Variants in NSD3 observed in about 807,000 individuals in gnomAD.
NSD3 encodes histone-lysine N-methyltransferase NSD3.
In NSD3, 24 loss-of-function variants were observed where a neutral mutation model predicts 160.8. The ratio of observed to expected loss-of-function variants is 0.15; its 90% CI spans 0.11 to 0.21. NSD3 has a LOEUF of 0.21. Ranked by LOEUF, NSD3 falls within the 10% of genes least tolerant of loss-of-function variation. The pLI is 1.00. For synonymous variants in NSD3, 520 were observed against 600.0 expected, an observed-to-expected ratio of 0.87 and a Z score of 1.95; for missense variants, 1,157 against 1,735.9, an observed-to-expected ratio of 0.67 and a Z score of 5.93.
At position 38,370,085 on chromosome 8, in the gene NSD3, C is replaced by T. The variant is rs548154808; in HGVS notation, c.-45+11714G>A. On this transcript the variant is annotated intron_variant, in intron 1 of 23. Transcript: ENST00000317025. ...CTGGGATTACAGGTGTGAGCCACCA[C>T]GCCCAGCCAGCCCACCCAGTTTTTA... Among the ~76,000 whole-genome samples, 6 of 152,274 alleles carry T rather than the reference C, an allele frequency of 3.9e-5. No individual in the cohort carries two copies. In the East Asian group the frequency reaches 9.6e-4, roughly 24 times the overall value.
At chr8:38,303,258 A>G (rs1247881433) in intron 14 of NSD3, 2 of 985,274 alleles carry the variant, frequency 2.0e-6, no homozygotes, top group African/African-American at 3.5e-5. Flanking sequence ...TTACTTTCTT[A>G]GGAATGCAGA....
Position 38,271,418 on chromosome 8 carries a change from CAGGAGAAAGGGGG to C in NSD3, c.*4210_*4222del, listed in dbSNP as rs1304684632. ...CATTATCCCCCCCCTTACCCTTTAC[CAGGAGAAAGGGGG>C]TTCCCTTTCTCCTGGTACCCCACCC... is the stretch of plus-strand genomic sequence containing the variant. On this transcript the variant is annotated 3_prime_UTR_variant, in exon 24 of 24. Transcript: ENST00000317025. 6.6e-6 allele frequency: 1 copy of C among 151,972 alleles called. No homozygotes were observed. The highest frequency in any genetic ancestry group is 1.5e-5 in the Non-Finnish European group (1 of 67,982). 9.4% of individuals were successfully genotyped at this position (151,972 alleles called of 1,614,324 possible).
chr8:38,331,678 T>A, intron 4 of NSD3, 93 bp from the exon 5 acceptor site: 1 of 1,303,560 alleles, frequency 7.7e-7, no homozygotes, highest in South Asian at 1.5e-5. Flanking sequence ...TCCTCAGTAT[T>A]ACTCCCACTA....
At chr8:38,376,069 C>T (rs1585937739) in intron 1 of NSD3, among the ~76,000 whole-genome samples, 2 of 151,986 alleles carry the variant, frequency 1.3e-5, no homozygotes, top group African/African-American at 4.8e-5. Context: ...ATTTTTAGCT[C>T]ACTTTAAAAT....
chr8:38,279,911 T>C, intron 20 of NSD3: 1 of 469,532 alleles, frequency 2.1e-6, no homozygotes. Context: ...TTTTTAAGTT[T>C]GCTTCTAGAA....
chr8:38,374,688 A>C (rs1479428082), intron 1 of NSD3, among the ~76,000 whole-genome samples: 2 of 152,034 alleles, frequency 1.3e-5, no homozygotes, highest in Non-Finnish European at 2.9e-5. Flanking sequence ...TGAAATCTTA[A>C]TTTTCCCATC....
intron 23 of NSD3, 66 bp from the exon 24 acceptor site, chr8:38,275,948 T>A: frequency 7.0e-7 from 1 of 1,422,884 alleles, no homozygotes; most frequent in East Asian, 2.4e-5. Flanking sequence ...TGATTACCCA[T>A]GAAAAACCCA....
chr8:38,336,119 C>A (rs1432802647), intron 4 of NSD3: 9 of 152,196 alleles, frequency 5.9e-5, no homozygotes, highest in African/African-American at 2.2e-4. Flanking sequence ...TAAAGAGATA[C>A]TTTTTCCCTT....
At chr8:38,287,413 G>C (rs1056127625) in intron 19 of NSD3, among the ~76,000 whole-genome samples, 4 of 152,026 alleles carry the variant, frequency 2.6e-5, no homozygotes, top group Admixed American at 2.6e-4. Flanking sequence ...GAAAACGTCT[G>C]ATACTTATGT....
chr8:38,352,573 C>CACA (rs2150386504), intron 1 of NSD3, among the ~76,000 whole-genome samples: 1 of 152,306 alleles, frequency 6.6e-6, no homozygotes, highest in East Asian at 1.9e-4. Flanking sequence ...CTAGGCATGT[C>CACA]TGACTCTGAA....
intron 7 of NSD3, among the ~76,000 whole-genome samples, chr8:38,325,911 A>T (rs1809899415): frequency 6.6e-6 from 1 of 151,848 alleles, no homozygotes; most frequent in Non-Finnish European, 1.5e-5. Flanking sequence ...GCACTTTGGG[A>T]GGCCGAGGCA....
At chr8:38,348,369 T>C (rs1456899367) in intron 1 of NSD3, among the ~76,000 whole-genome samples, 154 bp from the exon 2 acceptor site, 2 of 152,240 alleles carry the variant, frequency 1.3e-5, no homozygotes. Flanking sequence ...ATAACTGATA[T>C]AATTCTGACA....
At chr8:38,299,733 T>G (rs763151054) in intron 14 of NSD3, 143 bp from the exon 15 acceptor site, 2 of 771,098 alleles carry the variant, frequency 2.6e-6, no homozygotes, top group African/African-American at 1.8e-5. Flanking sequence ...AAAAGAAAGA[T>G]CTGACAGAAA....
At chr8:38,353,307 A>G (rs1386520358) in intron 1 of NSD3, among the ~76,000 whole-genome samples, 1 of 152,256 alleles carries the variant, frequency 6.6e-6, no homozygotes, top group Admixed American at 6.5e-5. Flanking sequence ...AGCTCACAGC[A>G]ACAGACATAA....
intron 1 of NSD3, among the ~76,000 whole-genome samples, chr8:38,357,452 C>T (rs1188931755): frequency 1.3e-5 from 2 of 152,182 alleles, no homozygotes; most frequent in Admixed American, 6.5e-5. Context: ...AATTTCTCTG[C>T]ACACCATGAT....
rs193243307 is a variant in NSD3, at chr8:38,326,640, A to C, written c.1708+90T>G. On this transcript the variant is annotated intron_variant, in intron 7 of 23. Coordinates refer to ENST00000317025, the MANE Select transcript of NSD3 (RefSeq NM_023034.2). ...ATATAATTTACTTTTGATAACTAAG[A>C]GTTTCTTAGAAACACAGCTACCACA... The C allele has an allele frequency of 1.8e-5, 24 of 1,309,270 alleles. 1 individual carries two copies. The African/African-American group carries it at 3.2e-4, about 17-fold the overall frequency. The allele number at this position is 1,309,270 out of a possible 1,614,324, so 81.1% of individuals were successfully genotyped here. A position where few individuals can be genotyped will look rare whatever the true frequency, so the allele number is the denominator to read the frequency against.
At chr8:38,307,045 G>A (rs1193384781) in intron 12 of NSD3, among the ~76,000 whole-genome samples, 1 of 150,972 alleles carries the variant, frequency 6.6e-6, no homozygotes, top group Non-Finnish European at 1.5e-5. Flanking sequence ...AACCCGGGAG[G>A]TGGAACCTGC....
intron 1 of NSD3, among the ~76,000 whole-genome samples, chr8:38,361,947 T>G (rs1585923920): frequency 6.6e-6 from 1 of 151,942 alleles, no homozygotes; most frequent in African/African-American, 2.4e-5. Flanking sequence ...CAAAGACCTA[T>G]TATAAACCAG....
intron 1 of NSD3, among the ~76,000 whole-genome samples, chr8:38,370,078 G>GTCA (rs1220027941): frequency 1.3e-5 from 2 of 152,278 alleles, no homozygotes; most frequent in East Asian, 3.9e-4. Flanking sequence ...ACAGGTGTGA[G>GTCA]CCACCACGCC....
Sources: allele counts gnomAD v4.1 joint callset (sites outside exome capture counted in the v4.1 genomes callset), GRCh38; gene constraint gnomAD v4.1.1; transcripts MANE v1.5; gene names NCBI Gene and HGNC (gene_info 2026-07-23, HGNC 2026-07-21).